PDE8B: variants seen among roughly 807,000 people sequenced by gnomAD.
PDE8B encodes high affinity cAMP-specific and IBMX-insensitive 3',5'-cyclic phosphodiesterase 8B.
In PDE8B, 26 loss-of-function variants were observed where a neutral mutation model predicts 101.3. The observed-to-expected ratio is 0.26, with a 90% CI of 0.19 to 0.36. The LOEUF is 0.36. Among genes scored for constraint, PDE8B ranks in the 10% least tolerant of loss-of-function variants. The probability of loss-of-function intolerance (pLI) is 1.00; values close to 1 mark genes in which losing one functional copy is unlikely to be tolerated. For missense variants in PDE8B, 810 were observed against 1,163.1 expected, an observed-to-expected ratio of 0.70 and a Z score of 4.42; for synonymous variants, 424 against 429.3, an observed-to-expected ratio of 0.99 and a Z score of 0.15.
At chr5:77,248,830 C>T (rs543875817) in intron 1 of PDE8B, among the ~76,000 whole-genome samples, 14 of 152,286 alleles carry the variant, frequency 9.2e-5, no homozygotes, top group Admixed American at 1.3e-4. Context: ...GGTCACAAGG[C>T]TGGGGACCTG....
intron 10 of PDE8B, among the ~76,000 whole-genome samples, chr5:77,381,311 C>A (rs570948569): frequency 1.1e-4 from 16 of 152,280 alleles, no homozygotes; most frequent in Middle Eastern, 3.4e-3. Context: ...TAGAGAGACG[C>A]AAGTGACTTT....
intron 2 of PDE8B, among the ~76,000 whole-genome samples, chr5:77,317,956 C>T (rs560027839): frequency 6.8e-6 from 1 of 147,214 alleles, no homozygotes; most frequent in Non-Finnish European, 1.5e-5. Context: ...ACTCTGGAGG[C>T]TGAGGCAGAG....
intron 2 of PDE8B, among the ~76,000 whole-genome samples, chr5:77,315,935 T>G (rs1184306384): frequency 6.6e-6 from 1 of 152,174 alleles, no homozygotes; most frequent in African/African-American, 2.4e-5. Flanking sequence ...TTGCAGATAC[T>G]TTATAACTTT....
At chr5:77,232,096 A>G (rs779284780) in intron 1 of PDE8B, among the ~76,000 whole-genome samples, 1 of 152,254 alleles carries the variant, frequency 6.6e-6, no homozygotes, top group Non-Finnish European at 1.5e-5. Context: ...TTTTACAGTG[A>G]TCACATTGTA....
chr5:77,395,379 T>C (rs1416868194), intron 10 of PDE8B, among the ~76,000 whole-genome samples: 1 of 151,902 alleles, frequency 6.6e-6, no homozygotes, highest in Non-Finnish European at 1.5e-5. Flanking sequence ...CCTCCCAAAG[T>C]GCTGGGATTA....
At chr5:77,328,936 A>C (rs1776585007) in intron 3 of PDE8B, 62 bp from the exon 4 acceptor site, 1 of 1,243,798 alleles carries the variant, frequency 8.0e-7, no homozygotes, top group Admixed American at 1.7e-5. Flanking sequence ...AAGAAGTTCC[A>C]CATTCATTTA....
chr5:77,400,089 C>T (rs987573561), intron 10 of PDE8B, among the ~76,000 whole-genome samples, 159 bp from the exon 11 acceptor site: 6 of 152,154 alleles, frequency 3.9e-5, no homozygotes, highest in Admixed American at 3.3e-4. Context: ...TGGATTAGTA[C>T]CACTTGGTGT....
chr5:77,291,207 A>T (rs1046270147), intron 1 of PDE8B: 4 of 1,610,606 alleles, frequency 2.5e-6, no homozygotes, highest in Admixed American at 1.7e-5. Context: ...ACATGAAAGC[A>T]TCCATCATGA....
At chr5:77,247,184 G>A (rs1757121267) in intron 1 of PDE8B, among the ~76,000 whole-genome samples, 1 of 152,248 alleles carries the variant, frequency 6.6e-6, no homozygotes, top group South Asian at 2.1e-4. Flanking sequence ...AGAAATATGA[G>A]ACCTTCTGGT....
intron 1 of PDE8B, among the ~76,000 whole-genome samples, chr5:77,249,787 A>G (rs976452643): frequency 6.6e-6 from 1 of 152,190 alleles, no homozygotes; most frequent in African/African-American, 2.4e-5. Flanking sequence ...TTCATTTTCC[A>G]CTGATAAAAA....
At chr5:77,197,879 A>T in the PDE8B span, among the ~76,000 whole-genome samples, 1 of 124,892 alleles carries the variant, frequency 8.0e-6, no homozygotes, top group Admixed American at 7.4e-5. Context: ...TCTTCTCACA[A>T]TGCTTGTTTT....
intron 1 of PDE8B, among the ~76,000 whole-genome samples, chr5:77,248,579 G>A (rs1214114235): frequency 6.6e-6 from 1 of 152,080 alleles, no homozygotes; most frequent in Non-Finnish European, 1.5e-5. Context: ...TGTACCTACC[G>A]TGAAGAAACA....
intron 10 of PDE8B, among the ~76,000 whole-genome samples, chr5:77,361,901 C>A (rs768678139): frequency 6.6e-6 from 1 of 152,132 alleles, no homozygotes; most frequent in Non-Finnish European, 1.5e-5. Context: ...CATAAATTGG[C>A]TGCTGATACA....
At chr5:77,169,479 A>G in the PDE8B span, among the ~76,000 whole-genome samples, 199 of 152,324 alleles carry the variant, frequency 1.3e-3, no homozygotes, top group African/African-American at 4.5e-3. Flanking sequence ...TGAGGCTGCT[A>G]TTTGGAGACC....
At chr5:77,227,369 G>A (rs970886174) in intron 1 of PDE8B, among the ~76,000 whole-genome samples, 10 of 152,096 alleles carry the variant, frequency 6.6e-5, no homozygotes, top group Non-Finnish European at 1.5e-4. Flanking sequence ...TGGCTCACAA[G>A]TTGTACATGA....
In PDE8B at chr5:77,283,027, T is replaced by A. The variant is rs189128042; in HGVS notation, c.340-28967T>A. 1.1e-4 allele frequency among the ~76,000 whole-genome samples: 16 copies of A among 152,290 alleles called. No individual in the cohort carries two copies. The East Asian group carries it at 2.9e-3, about 28-fold the overall frequency. On this transcript the variant is annotated intron_variant, in intron 1 of 21. Transcript: ENST00000264917. ...GGAACATTCTCCCAGAGTAGCAATC[T>A]TATTAAATTCCCTGTAATATACATG...
At chr5:77,148,473 G>A in the PDE8B span, 4 of 152,080 alleles carry the variant, frequency 2.6e-5, no homozygotes, top group Admixed American at 1.3e-4. Flanking sequence ...TAACATGAAC[G>A]GGCCATTTTA....
chr5:77,250,184 G>A (rs939475396), intron 1 of PDE8B, among the ~76,000 whole-genome samples: 1 of 152,224 alleles, frequency 6.6e-6, no homozygotes, highest in African/African-American at 2.4e-5. Context: ...GGATGGGTAT[G>A]TTGCATTTTC....
intron 17 of PDE8B, among the ~76,000 whole-genome samples, chr5:77,413,775 G>A (rs1038307885): frequency 6.6e-6 from 1 of 152,114 alleles, no homozygotes; most frequent in African/African-American, 2.4e-5. Context: ...AGGTATGAAC[G>A]TGCCTATCTT....
Sources: gnomAD v4.1 joint callset for allele counts (sites outside exome capture counted in the v4.1 genomes callset) on GRCh38, gnomAD v4.1.1 for gene constraint, MANE v1.5 for transcripts, NCBI Gene and HGNC (gene_info 2026-07-23, HGNC 2026-07-21) for gene names.